SLC44A5: variants seen among roughly 807,000 people sequenced by gnomAD.
The protein encoded by SLC44A5 is solute carrier family 44 member 5.
A neutral mutation model predicts 101.8 loss-of-function variants in SLC44A5; 57 were observed. The observed-to-expected ratio is 0.56, with a 90% CI of 0.45 to 0.70. SLC44A5 has a LOEUF of 0.70. Ranked by LOEUF, SLC44A5 falls within the 30% of genes least tolerant of loss-of-function variation. The probability of loss-of-function intolerance (pLI) is 0.00; values close to 1 mark genes in which losing one functional copy is unlikely to be tolerated. For missense variants in SLC44A5, 737 were observed against 853.1 expected (o/e 0.86, Z 1.70); for synonymous variants, 281 against 290.9 (o/e 0.97, Z 0.35).
intron 3 of SLC44A5, among the ~76,000 whole-genome samples, chr1:75,368,552 A>G (rs1453222165): frequency 6.6e-6 from 1 of 152,168 alleles, no homozygotes; most frequent in Non-Finnish European, 1.5e-5. Context: ...ATATTTCTAG[A>G]AGATATGTTT....
intron 4 of SLC44A5, among the ~76,000 whole-genome samples, chr1:75,321,316 AAACAACAGAAATTTATTTATC>A (rs1264692667): frequency 6.6e-6 from 1 of 152,158 alleles, no homozygotes; most frequent in Non-Finnish European, 1.5e-5. Context: ...TGAATGGCTT[AAACAACAGAAATTTATTTATC>A]ACAGTGCTGG....
intron 1 of SLC44A5, among the ~76,000 whole-genome samples, chr1:75,583,855 T>C (rs10874383): frequency 0.3 from 45,493 of 152,018 alleles, 7,851 homozygotes; most frequent in East Asian, 0.77. Context: ...CTGCCTCCCT[T>C]CCCTCTAAAA....
At chr1:75,383,335 C>G (rs1056822007) in intron 3 of SLC44A5, among the ~76,000 whole-genome samples, 5 of 140,904 alleles carry the variant, frequency 3.5e-5, no homozygotes, top group African/African-American at 1.3e-4. Flanking sequence ...ATGCTGAACG[C>G]TGGTTCCCCG....
intron 1 of SLC44A5, among the ~76,000 whole-genome samples, chr1:75,576,750 C>T (rs182868436): frequency 5.3e-5 from 8 of 152,200 alleles, no homozygotes; most frequent in Non-Finnish European, 7.3e-5. Context: ...AATCCTTAGA[C>T]GCAGATCTCA....
the SLC44A5 span, among the ~76,000 whole-genome samples, chr1:75,675,600 C>T: frequency 6.6e-6 from 1 of 151,940 alleles, no homozygotes; most frequent in Non-Finnish European, 1.5e-5. Flanking sequence ...CTATAAAAAC[C>T]CTAGAAGAAT....
chr1:75,311,597 T>G (rs1655305571), intron 4 of SLC44A5: 2 of 983,624 alleles, frequency 2.0e-6, no homozygotes, highest in African/African-American at 1.7e-5. Context: ...GACTCTAATT[T>G]CATGATTAAT....
At chr1:75,250,774 C>T (rs938186026) in intron 7 of SLC44A5, among the ~76,000 whole-genome samples, 10 of 152,104 alleles carry the variant, frequency 6.6e-5, no homozygotes, top group African/African-American at 2.4e-4. Context: ...ATGGAAGGAG[C>T]CTAGAGGAGA....
intron 4 of SLC44A5, among the ~76,000 whole-genome samples, chr1:75,320,639 T>G (rs1429415709): frequency 6.6e-6 from 1 of 152,214 alleles, no homozygotes; most frequent in Admixed American, 6.5e-5. Flanking sequence ...GGTTGCTACC[T>G]TTCCTTAATG....
At chr1:75,657,574 T>C in the SLC44A5 span, among the ~76,000 whole-genome samples, 1 of 149,966 alleles carries the variant, frequency 6.7e-6, no homozygotes, top group Non-Finnish European at 1.5e-5. Context: ...GTGATGGGTT[T>C]AAAAGGATAT....
chr1:75,360,097 A>T (rs1659380371), intron 3 of SLC44A5, among the ~76,000 whole-genome samples: 1 of 152,120 alleles, frequency 6.6e-6, no homozygotes, highest in Non-Finnish European at 1.5e-5. Flanking sequence ...TTTGAAAATA[A>T]GTTTTCCCAC....
intron 2 of SLC44A5, among the ~76,000 whole-genome samples, chr1:75,424,183 C>T (rs1047080467): frequency 2.6e-5 from 4 of 152,276 alleles, no homozygotes; most frequent in Middle Eastern, 3.4e-3. Context: ...CATATAGAAC[C>T]GATGACTCTC....
chr1:75,603,753 GTTT>G (rs57844833), intron 1 of SLC44A5, among the ~76,000 whole-genome samples: 1 of 54,086 alleles, frequency 1.8e-5, no homozygotes, highest in African/African-American at 9.2e-5. Context: ...ATTTTTTCAT[GTTT>G]TTTTTTTTTT....
intron 13 of SLC44A5, among the ~76,000 whole-genome samples, chr1:75,226,323 A>C (rs374157664): frequency 6.6e-6 from 1 of 152,060 alleles, no homozygotes. Flanking sequence ...CAGCTAGGTC[A>C]TCAAGGTTGG....
rs576307102 is a variant in SLC44A5, at chr1:75,229,221, C to T, written c.854-1364G>A. ...TCTGCAATCATCTCCTTACTGGTCT[C>T]GTTGCTTCCACTCTTGCCTCACCAT... On this transcript the variant is annotated intron_variant, in intron 12 of 23. Transcript: ENST00000370859. Among the ~76,000 whole-genome samples the T allele has an allele frequency of 1.2e-4, 19 of 152,100 alleles. No individual in the cohort carries two copies. The East Asian group carries it at 2.7e-3, about 22-fold the overall frequency.
At chr1:75,678,498 G>A in the SLC44A5 span, among the ~76,000 whole-genome samples, 2 of 151,178 alleles carry the variant, frequency 1.3e-5, no homozygotes, top group Non-Finnish European at 3.0e-5. Context: ...TCCAGCAGGG[G>A]CACACTGACA....
intron 1 of SLC44A5, among the ~76,000 whole-genome samples, chr1:75,587,135 A>C (rs558364643): frequency 7.4e-4 from 112 of 152,252 alleles, no homozygotes; most frequent in Non-Finnish European, 1.2e-3. Flanking sequence ...AACATCCTAC[A>C]ATGCCCAGGA....
the SLC44A5 span, among the ~76,000 whole-genome samples, chr1:75,705,020 T>G: frequency 1.3e-5 from 2 of 152,236 alleles, no homozygotes; most frequent in Non-Finnish European, 2.9e-5. Context: ...GGTTTATTCA[T>G]GTTTATCTAC....
chr1:75,682,963 C>G, the SLC44A5 span, among the ~76,000 whole-genome samples: 4 of 152,142 alleles, frequency 2.6e-5, no homozygotes, highest in African/African-American at 9.7e-5. Context: ...ATAGACACTT[C>G]TCAAAAGAAG....
At chr1:75,429,669 TG>T (rs1482702506) in intron 2 of SLC44A5, among the ~76,000 whole-genome samples, 1 of 152,052 alleles carries the variant, frequency 6.6e-6, no homozygotes, top group East Asian at 1.9e-4. Flanking sequence ...TTTCCAGTCA[TG>T]GTGGAAGATG....
Sources: gnomAD v4.1 joint callset for allele counts (sites outside exome capture counted in the v4.1 genomes callset) on GRCh38, gnomAD v4.1.1 for gene constraint, MANE v1.5 for transcripts, NCBI Gene and HGNC (gene_info 2026-07-23, HGNC 2026-07-21) for gene names.